Variants in LRRC4C observed in about 807,000 individuals in gnomAD.
LRRC4C encodes the protein leucine-rich repeat-containing protein 4C.
LRRC4C carries 5 observed loss-of-function variants against 33.6 expected under a neutral mutation model. The ratio of observed to expected loss-of-function variants is 0.15; its 90% CI spans 0.08 to 0.31. The LOEUF (loss-of-function observed/expected upper bound fraction) is 0.31. Ranked by LOEUF, LRRC4C falls within the 10% of genes least tolerant of loss-of-function variation. The probability of loss-of-function intolerance (pLI) is 1.00; values close to 1 mark genes in which losing one functional copy is unlikely to be tolerated. For missense variants in LRRC4C, 560 were observed against 796.7 expected (o/e 0.70, Z 3.58); for synonymous variants, 329 against 302.0 (o/e 1.09, Z -0.93).
chr11:40,533,099 C>T (rs1467261470), intron 3 of LRRC4C, among the ~76,000 whole-genome samples: 1 of 152,036 alleles, frequency 6.6e-6, no homozygotes, highest in African/African-American at 2.4e-5. Flanking sequence ...AATTACAATT[C>T]AAGATGAGAT....
chr11:40,818,903 A>G (rs993643024), intron 2 of LRRC4C, among the ~76,000 whole-genome samples: 5 of 152,152 alleles, frequency 3.3e-5, no homozygotes, highest in African/African-American at 1.2e-4. Context: ...CTCTACACAA[A>G]TAAACCATTT....
intron 3 of LRRC4C, among the ~76,000 whole-genome samples, chr11:40,397,542 C>T (rs1308010137): frequency 2.6e-5 from 4 of 152,092 alleles, no homozygotes; most frequent in East Asian, 3.9e-4. Flanking sequence ...TTCTTTGCCC[C>T]TTTTGTGTCA....
At chr11:40,918,822 G>A (rs1353507931) in intron 2 of LRRC4C, among the ~76,000 whole-genome samples, 4 of 152,036 alleles carry the variant, frequency 2.6e-5, no homozygotes, top group African/African-American at 9.7e-5. Context: ...TTAATGATGA[G>A]TTAAACTCAA....
At chr11:41,006,975 G>T (rs947890689) in intron 1 of LRRC4C, among the ~76,000 whole-genome samples, 1 of 151,982 alleles carries the variant, frequency 6.6e-6, no homozygotes, top group Non-Finnish European at 1.5e-5. Context: ...TTAAATGATT[G>T]CCCCAAAGGC....
intron 2 of LRRC4C, among the ~76,000 whole-genome samples, chr11:40,692,316 A>T (rs892303460): frequency 2.6e-5 from 4 of 151,990 alleles, no homozygotes; most frequent in Non-Finnish European, 4.4e-5. Context: ...TGGGTGGAGA[A>T]ACACAGGAGG....
At chr11:41,442,629 C>T (rs1043492529) in intron 1 of LRRC4C, among the ~76,000 whole-genome samples, 91 of 151,748 alleles carry the variant, frequency 6.0e-4, no homozygotes, top group African/African-American at 2.1e-3. Flanking sequence ...ATCACCACGC[C>T]CAGCTAATTT....
At chr11:41,265,878 T>A (rs11036329) in intron 1 of LRRC4C, among the ~76,000 whole-genome samples, 7,292 of 149,958 alleles carry the variant, frequency 0.049, 215 homozygotes, top group South Asian at 0.082. Flanking sequence ...TTTCTTTTTT[T>A]AAAAAAAAAA....
chr11:40,846,210 T>C (rs1953161369), intron 2 of LRRC4C, among the ~76,000 whole-genome samples: 1 of 152,190 alleles, frequency 6.6e-6, no homozygotes. Context: ...ATTTTGGCTT[T>C]TGTTGCCATT....
Position 40,752,047 on chromosome 11 carries a change from T to A in LRRC4C, c.-406-103769A>T, listed in dbSNP as rs552776645. ...TGGTGATGGGAAAATTGGATGTCCA[T>A]GTGCAGAAGAAAGAAACTGGGCTCC... On this transcript the variant is annotated intron_variant, in intron 2 of 6. Coordinates refer to ENST00000528697, the MANE Select transcript of LRRC4C (RefSeq NM_001258419.2). Among the ~76,000 whole-genome samples the A allele has an allele frequency of 1.2e-4, 19 of 152,234 alleles. No individual in the cohort carries two copies. In the South Asian group the frequency reaches 3.9e-3, roughly 32 times the overall value.
At chr11:40,685,552 C>T (rs1263689484) in intron 2 of LRRC4C, among the ~76,000 whole-genome samples, 4 of 151,474 alleles carry the variant, frequency 2.6e-5, no homozygotes, top group Non-Finnish European at 5.9e-5. Context: ...ATAAAACACA[C>T]AGAATAATAA....
intron 6 of LRRC4C, among the ~76,000 whole-genome samples, chr11:40,127,354 G>A (rs1286926967): frequency 6.6e-6 from 1 of 152,208 alleles, no homozygotes; most frequent in Admixed American, 6.5e-5. Flanking sequence ...ATGGAGGCGG[G>A]GCAGTGTTGG....
chr11:40,610,442 GC>G (rs1961095210), intron 3 of LRRC4C, among the ~76,000 whole-genome samples: 1 of 151,544 alleles, frequency 6.6e-6, no homozygotes, highest in South Asian at 2.1e-4. Flanking sequence ...AAGAAGGAAA[GC>G]TTTTCCTCTG....
At chr11:41,073,696 T>C (rs1027141785) in intron 1 of LRRC4C, among the ~76,000 whole-genome samples, 1 of 152,218 alleles carries the variant, frequency 6.6e-6, no homozygotes, top group African/African-American at 2.4e-5. Context: ...CTTATATTGG[T>C]TCTCAGTTCA....
intron 3 of LRRC4C, among the ~76,000 whole-genome samples, chr11:40,367,332 T>C (rs1948254102): frequency 6.6e-6 from 1 of 152,106 alleles, no homozygotes; most frequent in Non-Finnish European, 1.5e-5. Context: ...ATACACTCAT[T>C]TTCTCATCTT....
At chr11:41,235,856 A>C (rs1306212031) in intron 1 of LRRC4C, among the ~76,000 whole-genome samples, 1 of 152,072 alleles carries the variant, frequency 6.6e-6, no homozygotes, top group East Asian at 1.9e-4. Flanking sequence ...CTTTCAATTC[A>C]GCCTCCTTGA....
chr11:40,652,738 C>G (rs1027619419), intron 2 of LRRC4C, among the ~76,000 whole-genome samples: 5 of 152,320 alleles, frequency 3.3e-5, no homozygotes, highest in Admixed American at 6.5e-5. Flanking sequence ...GAATGGACCA[C>G]ATATCAGAAT....
chr11:40,444,164 T>C (rs1362329843), intron 3 of LRRC4C, among the ~76,000 whole-genome samples: 1 of 152,056 alleles, frequency 6.6e-6, no homozygotes, highest in East Asian at 1.9e-4. Context: ...CATGAAGAAG[T>C]AGTACTATTA....
chr11:41,131,449 T>C (rs1001738062), intron 1 of LRRC4C, among the ~76,000 whole-genome samples: 6 of 152,156 alleles, frequency 3.9e-5, no homozygotes, highest in Non-Finnish European at 8.8e-5. Flanking sequence ...ATAACATTTT[T>C]ATACATGGAT....
At chr11:40,162,975 C>G (rs1190517759) in intron 5 of LRRC4C, among the ~76,000 whole-genome samples, 1 of 152,186 alleles carries the variant, frequency 6.6e-6, no homozygotes, top group African/African-American at 2.4e-5. Flanking sequence ...CATTATCCCT[C>G]TAACCACCTC....
Sources: gnomAD v4.1 joint callset for allele counts (sites outside exome capture counted in the v4.1 genomes callset) on GRCh38, gnomAD v4.1.1 for gene constraint, MANE v1.5 for transcripts, NCBI Gene and HGNC (gene_info 2026-07-23, HGNC 2026-07-21) for gene names.